SCHIP1: variants seen among roughly 807,000 people sequenced by gnomAD.
SCHIP1 encodes the protein schwannomin interacting protein 1, also known as schwannomin-interacting protein 1.
A neutral mutation model predicts 29.7 loss-of-function variants in SCHIP1; 8 were observed. That is an observed-to-expected ratio of 0.27 (90% confidence interval 0.16 to 0.49). The LOEUF (loss-of-function observed/expected upper bound fraction) is 0.49, where lower values mean the gene tolerates loss of function less well. SCHIP1 is among the 20% of genes least tolerant of loss of function. The probability of loss-of-function intolerance (pLI) is 0.99; values close to 1 mark genes in which losing one functional copy is unlikely to be tolerated. For synonymous variants in SCHIP1, 76 were observed against 94.9 expected (o/e 0.80, Z 1.16); for missense variants, 193 against 294.6 (o/e 0.66, Z 2.52).
chr3:159,790,206 A>G, the SCHIP1 span, among the ~76,000 whole-genome samples: 4 of 152,246 alleles, frequency 2.6e-5, no homozygotes, highest in East Asian at 7.7e-4. Context: ...CTCAAAGTTC[A>G]TAGAAATTGG....
chr3:159,431,122 A>AG, the SCHIP1 span, among the ~76,000 whole-genome samples: 4 of 151,268 alleles, frequency 2.6e-5, no homozygotes, highest in African/African-American at 4.8e-5. Flanking sequence ...TAATTCAGCG[A>AG]GGAAAAAAAC....
At chr3:159,421,773 T>A in the SCHIP1 span, among the ~76,000 whole-genome samples, 1 of 152,158 alleles carries the variant, frequency 6.6e-6, no homozygotes, top group Non-Finnish European at 1.5e-5. Flanking sequence ...ATTGGATACA[T>A]CAGTTCATTT....
the SCHIP1 span, among the ~76,000 whole-genome samples, chr3:159,714,042 G>A: frequency 6.6e-6 from 1 of 152,156 alleles, no homozygotes; most frequent in African/African-American, 2.4e-5. Context: ...TTTGAGGCCA[G>A]CATGGCCAAC....
the SCHIP1 span, among the ~76,000 whole-genome samples, chr3:159,395,849 A>T: frequency 4.0e-5 from 6 of 151,890 alleles, no homozygotes; most frequent in African/African-American, 1.2e-4. Flanking sequence ...CTTGGTACAG[A>T]GCTGAGTTCA....
the SCHIP1 span, among the ~76,000 whole-genome samples, chr3:159,560,896 A>C: frequency 2.0e-5 from 3 of 152,140 alleles, no homozygotes; most frequent in African/African-American, 4.8e-5. Flanking sequence ...TGGTGTGTGA[A>C]TCTTGTAACA....
chr3:159,888,842 G>A, exon 5 of SCHIP1: 1 of 1,614,058 alleles, frequency 6.2e-7, no homozygotes, highest in Non-Finnish European at 8.5e-7. Context: ...CCTCATATAA[G>A]TGAATGCTTG....
the SCHIP1 span, chr3:159,764,966 G>A: frequency 6.7e-7 from 1 of 1,491,612 alleles, no homozygotes; most frequent in Non-Finnish European, 8.9e-7. This position sits in a 1 kb window ranked among gnomAD's most constrained non-coding sequence, Gnocchi z 6.1. Context: ...AGTGGCCGCG[G>A]CCCGGCGGCT....
the SCHIP1 span, among the ~76,000 whole-genome samples, chr3:159,550,351 G>A: frequency 6.6e-6 from 1 of 151,912 alleles, no homozygotes; most frequent in Non-Finnish European, 1.5e-5. Flanking sequence ...TTATAAAAAT[G>A]CCTTTCTCCT....
the SCHIP1 span, among the ~76,000 whole-genome samples, chr3:159,406,927 T>C: frequency 6.6e-6 from 1 of 151,758 alleles, no homozygotes; most frequent in Non-Finnish European, 1.5e-5. Flanking sequence ...ATTAAAACAA[T>C]ATTGCCAGAG....
chr3:159,723,002 C>G, the SCHIP1 span, among the ~76,000 whole-genome samples: 1 of 152,150 alleles, frequency 6.6e-6, no homozygotes, highest in Admixed American at 6.6e-5. Context: ...GCAATTGGAA[C>G]CTGCTGTGGC....
chr3:159,571,746 T>C, the SCHIP1 span, among the ~76,000 whole-genome samples: 1 of 152,156 alleles, frequency 6.6e-6, no homozygotes, highest in African/African-American at 2.4e-5. Context: ...GCTGTGAATC[T>C]GTCTGGTCCT....
the SCHIP1 span, among the ~76,000 whole-genome samples, chr3:159,781,732 T>A: frequency 6.6e-6 from 1 of 152,072 alleles, no homozygotes; most frequent in East Asian, 1.9e-4. Context: ...TCAACACACA[T>A]GGGTGCATCC....
intron 1 of SCHIP1, 127 bp from the exon 3 acceptor site, chr3:159,866,036 A>C: frequency 1.2e-6 from 1 of 800,520 alleles, no homozygotes; most frequent in Non-Finnish European, 2.0e-6. Context: ...AAATACTCTT[A>C]TGCCGCAGCC....
the SCHIP1 span, among the ~76,000 whole-genome samples, chr3:159,452,945 C>T: frequency 6.6e-6 from 1 of 152,176 alleles, no homozygotes; most frequent in Non-Finnish European, 1.5e-5. Context: ...TTGGCTCAGC[C>T]TAGAAAACCA....
At chr3:159,495,508 T>C in the SCHIP1 span, among the ~76,000 whole-genome samples, 1 of 152,208 alleles carries the variant, frequency 6.6e-6, no homozygotes, top group Non-Finnish European at 1.5e-5. Context: ...CCATTCACAA[T>C]TGCTTCAAAG....
chr3:159,552,286 T>C, the SCHIP1 span, among the ~76,000 whole-genome samples: 2 of 152,018 alleles, frequency 1.3e-5, no homozygotes, highest in Admixed American at 1.3e-4. Context: ...CCCCAGGTGA[T>C]CCACCAGCCT....
At chr3:159,720,123 C>G in the SCHIP1 span, among the ~76,000 whole-genome samples, 1 of 151,324 alleles carries the variant, frequency 6.6e-6, no homozygotes, top group Non-Finnish European at 1.5e-5. Flanking sequence ...CAAACTATCT[C>G]AAGGACAGAA....
the SCHIP1 span, among the ~76,000 whole-genome samples, chr3:159,608,984 C>T: frequency 2.6e-5 from 4 of 152,298 alleles, no homozygotes; most frequent in Middle Eastern, 6.8e-3. Flanking sequence ...TCCATCCATT[C>T]ATCATACCTA....
the SCHIP1 span, among the ~76,000 whole-genome samples, chr3:159,345,012 G>T: frequency 6.6e-6 from 1 of 152,168 alleles, no homozygotes; most frequent in Non-Finnish European, 1.5e-5. Flanking sequence ...ACTTTGGGAG[G>T]CTGAGGCGCA....
Sources: gnomAD v4.1 joint callset for allele counts (sites outside exome capture counted in the v4.1 genomes callset) on GRCh38, gnomAD v4.1.1 for gene constraint, Gnocchi (gnomAD v3.1) non-coding constraint, MANE v1.5 for transcripts, NCBI Gene and HGNC (gene_info 2026-07-23, HGNC 2026-07-21) for gene names.